SPECC1: variants seen among roughly 807,000 people sequenced by gnomAD.
The protein encoded by SPECC1 is cytospin-B.
Under a neutral mutation model 104.1 loss-of-function variants are expected in SPECC1, and 62 were observed. The ratio of observed to expected loss-of-function variants is 0.60; its 90% CI spans 0.49 to 0.74. The LOEUF is 0.74. Ranked by LOEUF, SPECC1 falls within the 30% of genes least tolerant of loss-of-function variation. The probability of loss-of-function intolerance (pLI) is 0.00; values close to 1 mark genes in which losing one functional copy is unlikely to be tolerated. For missense variants in SPECC1, 1,306 were observed against 1,310.5 expected, an observed-to-expected ratio of 1.00 and a Z score of 0.05; for synonymous variants, 513 against 501.6, an observed-to-expected ratio of 1.02 and a Z score of -0.30.
chr17:20,150,955 T>G (rs2031953315), intron 3 of SPECC1, among the ~76,000 whole-genome samples: 1 of 152,190 alleles, frequency 6.6e-6, no homozygotes, highest in Non-Finnish European at 1.5e-5. Flanking sequence ...CACATATATA[T>G]TATTTTATTG....
At chr17:20,228,695 T>C (rs568452395) in intron 5 of SPECC1, among the ~76,000 whole-genome samples, 1 of 152,362 alleles carries the variant, frequency 6.6e-6, no homozygotes, top group South Asian at 2.1e-4. Context: ...AACTTCTAGA[T>C]GTTTGCCACT....
chr17:20,110,508 G>T lies in SPECC1; in HGVS notation c.229G>T (p.Ala77Ser), dbSNP rs771834650. The change falls in exon 3 of 15, where the codon GCC becomes TCC. Residue 77 changes from alanine (A) to serine (S), a missense_variant. This residue lies in a region of SPECC1 where 1,177 missense variants were observed against 1,139.9 expected (regional missense o/e 1.03). Transcript: ENST00000395527. ...GGGGGTGGTTCGCCTGAAGAAGACC[G>T]CCACTGCCGGAGCCATCTCGGAGCT... ...ASGVVRLKKT[A>S]TAGAISELTE... 4 of 1,614,002 alleles carry T rather than the reference G, an allele frequency of 2.5e-6. No homozygotes were observed. The highest frequency in any genetic ancestry group is 1.7e-6 in the Non-Finnish European group (2 of 1,179,998).
intron 1 of SPECC1, chr17:20,017,475 GCCTT>G (rs970585910): frequency 1.3e-5 from 2 of 153,162 alleles, no homozygotes; most frequent in Non-Finnish European, 2.9e-5. Context: ...CAGACACACC[GCCTT>G]TAAGAACTGT....
At chr17:20,195,688 G>A (rs1337196548) in intron 3 of SPECC1, among the ~76,000 whole-genome samples, 2 of 151,918 alleles carry the variant, frequency 1.3e-5, no homozygotes, top group African/African-American at 2.4e-5. Flanking sequence ...ATCCTGAGTA[G>A]CTGAGACTAC....
At chr17:20,170,939 T>C (rs544478137) in intron 3 of SPECC1, among the ~76,000 whole-genome samples, 8 of 152,232 alleles carry the variant, frequency 5.3e-5, no homozygotes, top group Middle Eastern at 3.2e-3. Context: ...CTTTCTCTAA[T>C]TGGTCCTGCT....
chr17:20,231,708 T>C (rs1408886518), intron 5 of SPECC1, 50 bp from the exon 6 acceptor site: 2 of 1,573,934 alleles, frequency 1.3e-6, no homozygotes, highest in East Asian at 2.2e-5. Flanking sequence ...GTGTCTTCTC[T>C]TAAGAGTCTC....
At chr17:20,055,093 C>T (rs1016958256) in intron 1 of SPECC1, among the ~76,000 whole-genome samples, 9 of 152,148 alleles carry the variant, frequency 5.9e-5, no homozygotes, top group South Asian at 2.1e-4. Context: ...CCTCGTTTCC[C>T]GCCCTGCAGC....
rs754059437 is a variant in SPECC1 at position 20,205,791 on chromosome 17, A to G, written c.1742A>G (p.Gln581Arg). The G allele has an allele frequency of 2.5e-6, 4 of 1,614,236 alleles. No individual in the cohort carries two copies. The highest frequency in any genetic ancestry group is 3.4e-6 in the Non-Finnish European group (4 of 1,180,032). ...CAGACGGCAGAGAGCTGCGAAGTTC[A>G]AGAAATGTTGAAAGTAGCCCGAGCA... is the stretch of plus-strand genomic sequence containing the variant. ...VEQTAESCEV[Q>R]EMLKVARAEK... The change falls in exon 4 of 15, where the codon CAA (glutamine) becomes CGA (arginine). Residue 581 changes from glutamine to arginine, a missense_variant. This residue lies in a region of SPECC1 where 1,177 missense variants were observed against 1,139.9 expected (regional missense o/e 1.03). Transcript: ENST00000395527.
chr17:20,009,622 A>G lies in SPECC1; in HGVS notation c.-22+198A>G, dbSNP rs1291530314. On this transcript the variant is annotated intron_variant, in intron 1 of 14. Transcript: ENST00000395527. This position sits in a 1 kb window ranked among gnomAD's most constrained non-coding sequence, Gnocchi z 5.2. The stretch of plus-strand genomic sequence containing the variant: ...TCGTCGCGTGTCCTGTCCCCAGCCC[A>G]GGAGGGACGTCCTGGCCTGTCCTGC... Among the ~76,000 whole-genome samples, 1 of 151,918 alleles carries G rather than the reference A, an allele frequency of 6.6e-6. No individual in the cohort carries two copies. The highest frequency in any genetic ancestry group is 2.4e-5 in the African/African-American group (1 of 41,382).
chr17:20,187,020 A>T (rs2151262641), intron 3 of SPECC1, among the ~76,000 whole-genome samples: 1 of 151,928 alleles, frequency 6.6e-6, no homozygotes, highest in South Asian at 2.1e-4. Context: ...AATGCTTGGG[A>T]CCAGATGTGT....
chr17:20,238,208 G>A (rs928633287), intron 7 of SPECC1: 35 of 1,038,524 alleles, frequency 3.4e-5, no homozygotes, highest in Non-Finnish European at 4.1e-5. Flanking sequence ...AGGTAAGCAC[G>A]GTGACAATGG....
At chr17:20,288,771 C>CTTTTTTTTTT (rs60578647) in intron 12 of SPECC1, among the ~76,000 whole-genome samples, 2 of 73,710 alleles carry the variant, frequency 2.7e-5, no homozygotes, top group Non-Finnish European at 2.3e-5. Flanking sequence ...AAGGGCACTT[C>CTTTTTTTTTT]TTTTTTTTTT....
intron 1 of SPECC1, among the ~76,000 whole-genome samples, chr17:20,065,914 A>G (rs2046341129): frequency 1.3e-5 from 2 of 152,230 alleles, no homozygotes; most frequent in South Asian, 4.1e-4. Flanking sequence ...AAGAAGGACT[A>G]TAGGCATCAG....
chr17:20,099,091 G>A (rs1204619834), intron 2 of SPECC1, among the ~76,000 whole-genome samples: 1 of 152,162 alleles, frequency 6.6e-6, no homozygotes, highest in Admixed American at 6.5e-5. Context: ...GTGCTTCCTT[G>A]TCTTTCAGAT....
At chr17:20,163,442 T>C (rs1439976478) in intron 3 of SPECC1, among the ~76,000 whole-genome samples, 3 of 152,202 alleles carry the variant, frequency 2.0e-5, no homozygotes, top group Admixed American at 6.5e-5. Context: ...ATTTAGGTTC[T>C]TGTTAAAGTC....
chr17:20,223,262 C>T (rs1598020725), intron 4 of SPECC1, among the ~76,000 whole-genome samples: 2 of 152,114 alleles, frequency 1.3e-5, no homozygotes, highest in East Asian at 1.9e-4. Flanking sequence ...TTCAATTAGC[C>T]TGTCTTCAAG....
At chr17:20,310,547 C>T (rs564383936) in intron 14 of SPECC1, among the ~76,000 whole-genome samples, 4 of 152,320 alleles carry the variant, frequency 2.6e-5, no homozygotes, top group Non-Finnish European at 5.9e-5. Flanking sequence ...ATTACAGATG[C>T]AAGCAACTCC....
intron 4 of SPECC1, among the ~76,000 whole-genome samples, chr17:20,226,015 G>T (rs2038181331): frequency 6.6e-6 from 1 of 152,032 alleles, no homozygotes; most frequent in Admixed American, 6.5e-5. Context: ...AAACAGACAA[G>T]GTCCCTATTC....
At chr17:20,292,748 G>A (rs1407479873) in intron 12 of SPECC1, among the ~76,000 whole-genome samples, 2 of 152,198 alleles carry the variant, frequency 1.3e-5, no homozygotes. Context: ...ACAAGATGGG[G>A]CCCTCCCAAC....
Sources: allele counts gnomAD v4.1 joint callset (sites outside exome capture counted in the v4.1 genomes callset), GRCh38; gene constraint gnomAD v4.1.1; regional missense constraint gnomAD v4.1.1; non-coding constraint Gnocchi (gnomAD v3.1); transcripts MANE v1.5; gene names NCBI Gene and HGNC (gene_info 2026-07-23, HGNC 2026-07-21).